RARB: variants seen among roughly 807,000 people sequenced by gnomAD.
RARB encodes retinoic acid receptor beta, also known as HBV-activated protein.
In RARB, 17 loss-of-function variants were observed where a neutral mutation model predicts 51.9. That is an observed-to-expected ratio of 0.33 (90% CI 0.22 to 0.49). The LOEUF (loss-of-function observed/expected upper bound fraction) is 0.49. Among genes scored for constraint, RARB ranks in the 20% least tolerant of loss-of-function variants. RARB has a pLI of 0.99. For synonymous variants in RARB, 215 were observed against 195.4 expected (o/e 1.10, Z -0.84); for missense variants, 369 against 550.8 (o/e 0.67, Z 3.30).
chr3:25,332,219 C>CA (rs1039324651), intron 5 of RARB, among the ~76,000 whole-genome samples: 3 of 151,816 alleles, frequency 2.0e-5, no homozygotes, highest in African/African-American at 4.8e-5. Flanking sequence ...AGAGACACAA[C>CA]AAAAAAAGAG....
intron 1 of RARB, among the ~76,000 whole-genome samples, chr3:24,856,621 G>A (rs1353148856): frequency 1.3e-5 from 2 of 152,064 alleles, no homozygotes; most frequent in African/African-American, 4.8e-5. Context: ...GGTGTTTGGG[G>A]CCATTTTCAG....
intron 5 of RARB, among the ~76,000 whole-genome samples, chr3:25,341,901 T>A (rs1418771045): frequency 6.6e-6 from 1 of 151,650 alleles, no homozygotes; most frequent in African/African-American, 2.4e-5. Context: ...TGTAATATCC[T>A]CATTTTACTT....
intron 2 of RARB, among the ~76,000 whole-genome samples, chr3:24,990,838 A>G (rs545512454): frequency 6.6e-6 from 1 of 152,196 alleles, no homozygotes; most frequent in Non-Finnish European, 1.5e-5. Flanking sequence ...TTTGGTTTGG[A>G]ACTGCATTGA....
intron 5 of RARB, among the ~76,000 whole-genome samples, chr3:25,417,335 C>T (rs1707731286): frequency 6.6e-6 from 1 of 152,006 alleles, no homozygotes; most frequent in Non-Finnish European, 1.5e-5. Context: ...CCTGGCCCAA[C>T]TAAGGAAGAA....
chr3:24,878,437 T>A (rs1332305816), intron 2 of RARB, among the ~76,000 whole-genome samples: 1 of 152,140 alleles, frequency 6.6e-6, no homozygotes, highest in Non-Finnish European at 1.5e-5. Context: ...AAAACCTTGG[T>A]TGACTGCTTA....
intron 5 of RARB, among the ~76,000 whole-genome samples, chr3:25,307,196 T>C (rs1704173700): frequency 1.3e-5 from 2 of 151,920 alleles, no homozygotes; most frequent in South Asian, 4.2e-4. Flanking sequence ...GACAACATAG[T>C]GAACATATGT....
At chr3:25,505,718 G>A (rs76134077) in intron 3 of RARB, among the ~76,000 whole-genome samples, 7,998 of 152,172 alleles carry the variant, frequency 0.053, 261 homozygotes, top group Non-Finnish European at 0.077. Context: ...TGGTACAATA[G>A]TTTATGAAGA....
chr3:25,176,546 C>T (rs941182320), intron 5 of RARB, among the ~76,000 whole-genome samples: 2 of 151,348 alleles, frequency 1.3e-5, no homozygotes, highest in African/African-American at 4.9e-5. Context: ...CAGGCACGCA[C>T]CACCACACCC....
At chr3:25,092,111 T>A (rs1231907560) in intron 3 of RARB, among the ~76,000 whole-genome samples, 3 of 152,158 alleles carry the variant, frequency 2.0e-5, no homozygotes, top group African/African-American at 7.2e-5. Context: ...AAACAAGTGC[T>A]TTTACAGCCA....
chr3:25,571,971 C>T (rs1448834494), intron 4 of RARB, among the ~76,000 whole-genome samples: 1 of 152,184 alleles, frequency 6.6e-6, no homozygotes, highest in African/African-American at 2.4e-5. Flanking sequence ...TGATGAATAA[C>T]CAATACCTGA....
chr3:25,229,916 G>T (rs1031006157), intron 5 of RARB, among the ~76,000 whole-genome samples: 1 of 152,080 alleles, frequency 6.6e-6, no homozygotes, highest in Non-Finnish European at 1.5e-5. Flanking sequence ...TTAGGTACAC[G>T]CTGTAATGAA....
chr3:25,214,118 A>G (rs982167105), intron 5 of RARB, among the ~76,000 whole-genome samples: 2 of 152,202 alleles, frequency 1.3e-5, no homozygotes, highest in African/African-American at 4.8e-5. Flanking sequence ...GAGGTCAAAT[A>G]TAAAGCTTGT....
intron 3 of RARB, among the ~76,000 whole-genome samples, chr3:25,115,593 TTTC>T (rs1699672124): frequency 6.6e-6 from 1 of 151,870 alleles, no homozygotes; most frequent in South Asian, 2.1e-4. Context: ...TTCTTTTCTT[TTTC>T]TTCTTTTCTT....
chr3:25,440,819 C>T (rs1708642190), intron 1 of RARB, among the ~76,000 whole-genome samples: 1 of 151,926 alleles, frequency 6.6e-6, no homozygotes, highest in Non-Finnish European at 1.5e-5. Context: ...TAGCATTGTC[C>T]AGAAAAATTT....
chr3:25,540,113 T>A (rs1001756116), intron 3 of RARB, among the ~76,000 whole-genome samples: 1 of 152,166 alleles, frequency 6.6e-6, no homozygotes, highest in African/African-American at 2.4e-5. Context: ...CTAAGTCCTT[T>A]TCATATGTAT....
intron 2 of RARB, among the ~76,000 whole-genome samples, chr3:25,046,993 G>C (rs1698231084): frequency 6.6e-6 from 1 of 152,114 alleles, no homozygotes. Flanking sequence ...CCTGTGCCCA[G>C]AGTCTTAAAT....
At chr3:25,022,228 C>T (rs1697653764) in intron 2 of RARB, among the ~76,000 whole-genome samples, 1 of 152,184 alleles carries the variant, frequency 6.6e-6, no homozygotes, top group Non-Finnish European at 1.5e-5. Flanking sequence ...TCTCAGAAGC[C>T]TCCTTTGGCC....
At chr3:24,877,125 C>A in intron 2 of RARB, among the ~76,000 whole-genome samples, 1 of 151,878 alleles carries the variant, frequency 6.6e-6, no homozygotes, top group East Asian at 1.9e-4. Flanking sequence ...GTTAGATGCA[C>A]AATGTAAAAG....
At chr3:25,431,804 C>T (rs112906373) in intron 1 of RARB, among the ~76,000 whole-genome samples, 5 of 152,154 alleles carry the variant, frequency 3.3e-5, no homozygotes, top group African/African-American at 1.2e-4. Context: ...TTTAAAACAA[C>T]CAGTAGTGAT....
Sources: allele counts gnomAD v4.1 joint callset (sites outside exome capture counted in the v4.1 genomes callset), GRCh38; gene constraint gnomAD v4.1.1; transcripts MANE v1.5; gene names NCBI Gene and HGNC (gene_info 2026-07-23, HGNC 2026-07-21).